Variants in RANBP17 observed in about 807,000 individuals in gnomAD.
The protein encoded by RANBP17 is RAN binding protein 17, also known as ran-binding protein 17.
A neutral mutation model predicts 141.2 loss-of-function variants in RANBP17; 158 were observed. The observed-to-expected ratio is 1.12, with a 90% CI of 0.98 to 1.28. The LOEUF (loss-of-function observed/expected upper bound fraction) is 1.28. Ranked by LOEUF, RANBP17 falls within the 50% of genes most tolerant of loss-of-function variation. RANBP17 has a pLI of 0.00. For synonymous variants in RANBP17, 430 were observed against 450.0 expected, an observed-to-expected ratio of 0.96 and a Z score of 0.56; for missense variants, 1,438 against 1,290.7, an observed-to-expected ratio of 1.11 and a Z score of -1.75.
At chr5:171,104,157 C>A (rs959294990) in intron 14 of RANBP17, among the ~76,000 whole-genome samples, 7 of 152,186 alleles carry the variant, frequency 4.6e-5, no homozygotes, top group Non-Finnish European at 8.8e-5. Context: ...GCTGCCTCAG[C>A]CTTTCGAGTA....
intron 14 of RANBP17, among the ~76,000 whole-genome samples, chr5:171,135,157 G>A (rs1220690332): frequency 6.6e-6 from 1 of 151,462 alleles, no homozygotes; most frequent in African/African-American, 2.4e-5. Context: ...GTTCACACCT[G>A]TAATCCCAGC....
At chr5:171,180,618 C>CT (rs1760807243) in intron 16 of RANBP17, among the ~76,000 whole-genome samples, 1 of 152,052 alleles carries the variant, frequency 6.6e-6, no homozygotes, top group African/African-American at 2.4e-5. Flanking sequence ...GTTCATTTGC[C>CT]TTTTTTAACA....
chr5:171,272,874 G>T (rs565152549), intron 25 of RANBP17, among the ~76,000 whole-genome samples: 20 of 152,184 alleles, frequency 1.3e-4, no homozygotes, highest in Non-Finnish European at 2.2e-4. Flanking sequence ...AAGCCCTGTG[G>T]CTCCCACCAC....
chr5:170,916,596 G>A lies in RANBP17; in HGVS notation c.954+12G>A. On this transcript the variant is annotated intron_variant, in intron 9 of 27. Transcript: ENST00000523189. ...TTGAAAACCCTCAGGTATTTATGAA[G>A]TAATTTAATACTTAGCATATAGAGA... 2 of 1,502,142 alleles carry A rather than the reference G, an allele frequency of 1.3e-6. No homozygotes were observed. The highest frequency in any genetic ancestry group is 1.8e-6 in the Non-Finnish European group (2 of 1,108,298). 93.1% of individuals were successfully genotyped at this position (1,502,142 alleles called of 1,614,324 possible). A position where few individuals can be genotyped will look rare whatever the true frequency, so the allele number is the denominator to read the frequency against.
At chr5:171,089,812 T>C (rs1471951143) in intron 14 of RANBP17, among the ~76,000 whole-genome samples, 1 of 152,182 alleles carries the variant, frequency 6.6e-6, no homozygotes, top group African/African-American at 2.4e-5. Context: ...TCGCCCTGCT[T>C]AGGCTCGCGC....
intron 18 of RANBP17, 110 bp from the exon 19 acceptor site, chr5:171,199,560 C>T: frequency 3.4e-6 from 2 of 585,194 alleles, no homozygotes; most frequent in Non-Finnish European, 6.0e-6. Flanking sequence ...TGAATGCAGG[C>T]TGACCCCTTC....
At chr5:171,003,976 A>T (rs945513493) in intron 14 of RANBP17, among the ~76,000 whole-genome samples, 1 of 152,230 alleles carries the variant, frequency 6.6e-6, no homozygotes, top group African/African-American at 2.4e-5. Flanking sequence ...AATTTGGTTG[A>T]TAAGGCACAG....
At chr5:171,269,064 G>A (rs1408202679) in intron 25 of RANBP17, among the ~76,000 whole-genome samples, 1 of 152,118 alleles carries the variant, frequency 6.6e-6, no homozygotes. Flanking sequence ...TGGAATGTAG[G>A]CTTTCAGATA....
intron 14 of RANBP17, among the ~76,000 whole-genome samples, chr5:171,159,864 G>A (rs1169443133): frequency 2.7e-5 from 4 of 149,666 alleles, no homozygotes; most frequent in African/African-American, 7.4e-5. Flanking sequence ...CAGAGCTTGC[G>A]GTGAGCCAGG....
chr5:171,068,605 G>GTTT (rs1784445861), intron 14 of RANBP17, among the ~76,000 whole-genome samples: 1 of 151,716 alleles, frequency 6.6e-6, no homozygotes, highest in South Asian at 2.1e-4. Context: ...TGTTGTTGTT[G>GTTT]AGACAGAGTC....
intron 1 of RANBP17, 54 bp downstream of exon 1, chr5:170,862,105 G>A (rs928439153): frequency 1.3e-5 from 18 of 1,417,166 alleles, no homozygotes; most frequent in Admixed American, 3.0e-5. Context: ...GAACCCGGCG[G>A]GACGCGTCTG....
chr5:171,240,489 T>C (rs887427668), intron 22 of RANBP17, among the ~76,000 whole-genome samples: 2 of 152,206 alleles, frequency 1.3e-5, no homozygotes, highest in African/African-American at 4.8e-5. Context: ...ATCAAATTCA[T>C]ATAAAAGGTC....
At chr5:170,909,814 T>C (rs946647350) in intron 6 of RANBP17, 49 bp downstream of exon 6, 1 of 1,010,456 alleles carries the variant, frequency 9.9e-7, no homozygotes, top group Non-Finnish European at 1.5e-6. Context: ...TTGGGAAATT[T>C]TAAGAGTTTC....
rs553335292 is a variant in RANBP17, at chr5:171,220,760, A to G, written c.2340-998A>G. On this transcript the variant is annotated intron_variant, in intron 21 of 27. Coordinates refer to ENST00000523189, the MANE Select transcript of RANBP17 (RefSeq NM_022897.5). Reference sequence around the variant, plus strand: ...ACCGCGCCTGGTCCAAATGATTCTTATCTAGCACAATTGTCCTAAGAATTA... The same window carrying G: ...ACCGCGCCTGGTCCAAATGATTCTTGTCTAGCACAATTGTCCTAAGAATTA... Among the ~76,000 whole-genome samples, 7 of 152,212 alleles carry G rather than the reference A, an allele frequency of 4.6e-5. No homozygotes were observed. The South Asian group carries it at 1.5e-3, about 32-fold the overall frequency.
chr5:170,944,969 ATC>A (rs1345512554), intron 12 of RANBP17, among the ~76,000 whole-genome samples: 1 of 152,114 alleles, frequency 6.6e-6, no homozygotes, highest in Non-Finnish European at 1.5e-5. Context: ...TTTTTCCTCT[ATC>A]TTATCTGTCT....
chr5:171,121,266 G>A (rs1340338269), intron 14 of RANBP17, among the ~76,000 whole-genome samples: 2 of 152,228 alleles, frequency 1.3e-5, no homozygotes, highest in Non-Finnish European at 2.9e-5. Flanking sequence ...TCAGGCTTGG[G>A]ACATGGGTGC....
intron 14 of RANBP17, among the ~76,000 whole-genome samples, chr5:171,012,807 T>G (rs1780147280): frequency 6.6e-6 from 1 of 152,196 alleles, no homozygotes; most frequent in Non-Finnish European, 1.5e-5. Flanking sequence ...TTTCTTTTAG[T>G]TGAGAAGTTT....
At chr5:171,126,568 C>T (rs1443952917) in intron 14 of RANBP17, among the ~76,000 whole-genome samples, 1 of 152,010 alleles carries the variant, frequency 6.6e-6, no homozygotes, top group African/African-American at 2.4e-5. Context: ...AATTGATAAG[C>T]TGCTAGCTAA....
intron 5 of RANBP17, among the ~76,000 whole-genome samples, chr5:170,905,342 G>A (rs1451240542): frequency 6.6e-6 from 1 of 152,172 alleles, no homozygotes; most frequent in East Asian, 1.9e-4. Flanking sequence ...GTTTGCGTGT[G>A]GGCATGCATG....
Sources: gnomAD v4.1 joint callset for allele counts (sites outside exome capture counted in the v4.1 genomes callset) on GRCh38, gnomAD v4.1.1 for gene constraint, MANE v1.5 for transcripts, NCBI Gene and HGNC (gene_info 2026-07-23, HGNC 2026-07-21) for gene names.